The following GDF7 variants were observed in gnomAD, a reference collection of about 807,000 sequenced individuals.
GDF7 encodes the protein growth differentiation factor 7, also known as growth/differentiation factor 7.
Under a neutral mutation model 13.4 loss-of-function variants are expected in GDF7, and 12 were observed. The ratio of observed to expected loss-of-function variants is 0.90; its 90% confidence interval spans 0.57 to 1.45. The LOEUF (loss-of-function observed/expected upper bound fraction) is 1.45, where lower values mean the gene tolerates loss of function less well. GDF7 is among the 40% of genes most tolerant of loss of function. The pLI, the probability that GDF7 is intolerant of heterozygous loss-of-function variation, is 0.00. For synonymous variants in GDF7, 330 were observed against 306.4 expected, an observed-to-expected ratio of 1.08 and a Z score of -0.80; for missense variants, 651 against 652.4, an observed-to-expected ratio of 1.00 and a Z score of 0.02.
chr2:20,667,546 G>T lies in GDF7; in HGVS notation c.307G>T (p.Ala103Ser). ...MSLYRSLAGR[A>S]PAGAAAVSAS... is the part of the protein sequence containing the mutation. ...GCTTTACCGGAGCCTGGCCGGGAGG[G>T]CTCCGGCCGGGGCAGCCGCTGTCTC... Residue 103 changes from alanine to serine, a missense_variant, in exon 1 of 2, where the codon GCT becomes TCT. Transcript: ENST00000272224. The surrounding 1 kb of genome is among the most constrained non-coding windows in gnomAD (Gnocchi z 6.4). 3 of 1,469,276 alleles carry T rather than the reference G, an allele frequency of 2.0e-6. No homozygotes were observed. Among genetic ancestry groups the T allele is most frequent in the Non-Finnish European group, 2.7e-6 (3 of 1,116,584 alleles). The allele number at this position is 1,469,276 out of a possible 1,614,324, so 91.0% of individuals were successfully genotyped here.
Position 20,678,615 on chromosome 2 carries a change from G to A in GDF7, c.*7190G>A, listed in dbSNP as rs892668680. ...AGCAGAATTCTGCACATGACGAGTG[G>A]CTGCAGCTTAGAAAGCAAATTTCAT... On this transcript the variant is annotated 3_prime_UTR_variant, in exon 2 of 2. Transcript: ENST00000272224. 1 of 152,226 alleles carries A rather than the reference G, an allele frequency of 6.6e-6. No homozygotes were observed. Among genetic ancestry groups the A allele is most frequent in the African/African-American group, 2.4e-5 (1 of 41,460 alleles). The allele number at this position is 152,226 out of a possible 1,614,324, so 9.4% of individuals were successfully genotyped here.
At position 20,678,864 on chromosome 2, in the gene GDF7, C is replaced by T. The variant is rs1243831986; in HGVS notation, c.*7439C>T. Reference sequence around the variant, plus strand: ...GGGGACATTAGAAACTCATTTAAGGCAAACTGAAATCTCCTTCATCAGCAG... The same window carrying T: ...GGGGACATTAGAAACTCATTTAAGGTAAACTGAAATCTCCTTCATCAGCAG... On this transcript the variant is annotated 3_prime_UTR_variant, in exon 2 of 2. Transcript: ENST00000272224. The T allele has an allele frequency of 6.6e-6, 1 of 152,172 alleles. No homozygotes were observed. The highest frequency in any genetic ancestry group is 2.4e-5 in the African/African-American group (1 of 41,426). 9.4% of individuals were successfully genotyped at this position (152,172 alleles called of 1,614,324 possible).
intron 1 of GDF7, among the ~76,000 whole-genome samples, chr2:20,668,783 C>A (rs1457085622): frequency 6.6e-6 from 1 of 152,190 alleles, no homozygotes; most frequent in Non-Finnish European, 1.5e-5. Flanking sequence ...ATCTTGGTAC[C>A]CAATCCCCAA....
rs184609344 is a variant in GDF7, at chr2:20,671,700, C to A, written c.*275C>A. 175 of 452,118 alleles carry A rather than the reference C, an allele frequency of 3.9e-4. No individual in the cohort carries two copies. The highest frequency in any genetic ancestry group is 2.6e-3 in the African/African-American group (132 of 50,508). 28.0% of individuals were successfully genotyped at this position (452,118 alleles called of 1,614,324 possible). On this transcript the variant is annotated 3_prime_UTR_variant, in exon 2 of 2. Coordinates refer to ENST00000272224, the MANE Select transcript of GDF7 (RefSeq NM_182828.4). ...AACAGATAACCATGGCGCCCACTGC[C>A]CCCATTTAGGGAGAGGAAGGTGTTT... is the stretch of plus-strand genomic sequence containing the variant.
chr2:20,667,562 C>G lies in GDF7; in HGVS notation c.323C>G (p.Ala108Gly). The change falls in exon 1 of 2, where the codon GCC becomes GGC. Residue 108 changes from alanine (A) to glycine (G), a missense_variant. Transcript: ENST00000272224. The surrounding 1 kb of genome is among the most constrained non-coding windows in gnomAD (Gnocchi z 6.4). The stretch of plus-strand genomic sequence containing the variant: ...GCCGGGAGGGCTCCGGCCGGGGCAG[C>G]CGCTGTCTCCGCCTCGGGCCATGGT... ...SLAGRAPAGA[A>G]AVSASGHGRA... 1 of 1,497,780 alleles carries G rather than the reference C, an allele frequency of 6.7e-7. No individual in the cohort carries two copies. Among genetic ancestry groups the G allele is most frequent in the Non-Finnish European group, 8.8e-7 (1 of 1,130,606 alleles). 92.8% of individuals were successfully genotyped at this position (1,497,780 alleles called of 1,614,324 possible). A position where few individuals can be genotyped will look rare whatever the true frequency, so the allele number is the denominator to read the frequency against.
In GDF7 at chr2:20,667,955, C is replaced by T. The variant is rs978964287; in HGVS notation, c.391+325C>T. 3.3e-5 allele frequency among the ~76,000 whole-genome samples: 5 copies of T among 152,166 alleles called. No homozygotes were observed. The highest frequency in any genetic ancestry group is 1.2e-4 in the African/African-American group (5 of 41,444). ...TTCTTGGGGAATGGTCTGGAGTGGC[C>T]TCGGAGCCCTCAGAGAAGAAAGGAG... On this transcript the variant is annotated intron_variant, in intron 1 of 1. Transcript: ENST00000272224. The surrounding 1 kb of genome is among the most constrained non-coding windows in gnomAD (Gnocchi z 6.4).
chr2:20,670,934 G>T lies in GDF7; in HGVS notation c.862G>T (p.Ala288Ser). The change falls in exon 2 of 2, where the codon GCC (alanine) becomes TCC (serine). Residue 288 changes from alanine to serine, a missense_variant. By Grantham distance (99) the Ala-to-Ser change is moderately conservative (BLOSUM62 1). Transcript: ENST00000272224. ...CTTATTCCGGGAGATCCGCGCCCAG[G>T]CCCGCGCGCTCGGGGCCGCTCTGGC... is the stretch of plus-strand genomic sequence containing the variant. Reference protein sequence around the residue: ...ESLFREIRAQARALGAALASE... With the variant: ...ESLFREIRAQSRALGAALASE... 6.4e-7 allele frequency: 1 copy of T among 1,571,320 alleles called. No individual in the cohort carries two copies. Among genetic ancestry groups the T allele is most frequent in the Non-Finnish European group, 8.6e-7 (1 of 1,167,494 alleles).
chr2:20,673,609 C>G lies in GDF7; in HGVS notation c.*2184C>G, dbSNP rs1400691955. 2 of 152,172 alleles carry G rather than the reference C, an allele frequency of 1.3e-5. No individual in the cohort carries two copies. Among genetic ancestry groups the G allele is most frequent in the Non-Finnish European group, 2.9e-5 (2 of 68,032 alleles). The allele number at this position is 152,172 out of a possible 1,614,324, so 9.4% of individuals were successfully genotyped here. A position where few individuals can be genotyped will look rare whatever the true frequency, so the allele number is the denominator to read the frequency against. ...GGTATTTAATATCTTTGGATAAAAG[C>G]AAACATTTTGATACTTTTTTAGTGA... On this transcript the variant is annotated 3_prime_UTR_variant, in exon 2 of 2. Coordinates refer to ENST00000272224, the MANE Select transcript of GDF7 (RefSeq NM_182828.4).
At chr2:20,668,436 G>C (rs564775671) in intron 1 of GDF7, among the ~76,000 whole-genome samples, 87 of 152,360 alleles carry the variant, frequency 5.7e-4, no homozygotes, top group South Asian at 3.5e-3. Context: ...TGTGGCTGCT[G>C]TATGTCATCT....
At chr2:20,669,985 C>G (rs535755101) in intron 1 of GDF7, among the ~76,000 whole-genome samples, 1 of 152,340 alleles carries the variant, frequency 6.6e-6, no homozygotes, top group Admixed American at 6.5e-5. Context: ...ACTTTCGGCT[C>G]TCTTGGGGGA....
Position 20,671,072 on chromosome 2 carries a change from G to C in GDF7, c.1000G>C (p.Gly334Arg). The change falls in exon 2 of 2, where the codon GGC (glycine) becomes CGC (arginine). Residue 334 changes from glycine (G) to arginine (R), a missense_variant. Physicochemically the swap from Gly to Arg is moderately radical, Grantham distance 125. Transcript: ENST00000272224. ...LAGTRTAQGSGGGAGRGHGRR... is the reference protein window; with the variant it reads ...LAGTRTAQGSRGGAGRGHGRR... ...CGGGACGCGGACAGCGCAGGGCAGCGGCGGGGGCGCGGGCCGGGGCCACGG... is the reference window on the plus strand; with the variant it reads ...CGGGACGCGGACAGCGCAGGGCAGCCGCGGGGGCGCGGGCCGGGGCCACGG... The C allele has an allele frequency of 2.7e-6, 4 of 1,496,854 alleles. No individual in the cohort carries two copies. The highest frequency in any genetic ancestry group is 3.6e-6 in the Non-Finnish European group (4 of 1,125,298). The allele number at this position is 1,496,854 out of a possible 1,614,324, so 92.7% of individuals were successfully genotyped here.
chr2:20,671,162 G>A lies in GDF7; in HGVS notation c.1090G>A (p.Asp364Asn). The change falls in exon 2 of 2, where the codon GAC becomes AAC. Residue 364 changes from aspartate to asparagine, a missense_variant. By Grantham distance (23) the Asp-to-Asn change is conservative. This residue lies in a region of GDF7 where 101 missense variants were observed against 139.2 expected (regional missense o/e 0.73). Transcript: ENST00000272224. ...LHVDFKELGW[D>N]DWIIAPLDYE... ...CGTGGACTTCAAGGAGCTCGGCTGGGACGACTGGATCATCGCGCCGCTGGA... is the reference window on the plus strand; with the variant it reads ...CGTGGACTTCAAGGAGCTCGGCTGGAACGACTGGATCATCGCGCCGCTGGA... 6.2e-7 allele frequency: 1 copy of A among 1,613,494 alleles called. No homozygotes were observed. Among genetic ancestry groups the A allele is most frequent in the Non-Finnish European group, 8.5e-7 (1 of 1,179,886 alleles).
In GDF7 at chr2:20,670,692, G is replaced by C; in HGVS notation, c.620G>C (p.Arg207Pro). 6.7e-7 allele frequency: 1 copy of C among 1,489,660 alleles called. No individual in the cohort carries two copies. Among genetic ancestry groups the C allele is most frequent in the Middle Eastern group, 1.8e-4 (1 of 5,590 alleles). The allele number at this position is 1,489,660 out of a possible 1,614,324, so 92.3% of individuals were successfully genotyped here. A position where few individuals can be genotyped will look rare whatever the true frequency, so the allele number is the denominator to read the frequency against. The change falls in exon 2 of 2, where the codon CGC becomes CCC. Residue 207 changes from arginine (R) to proline (P), a missense_variant. Arg to Pro is a moderately radical substitution (Grantham distance 103). This residue lies in a region of GDF7 where 487 missense variants were observed against 445.9 expected (regional missense o/e 1.09). Coordinates refer to ENST00000272224, the MANE Select transcript of GDF7 (RefSeq NM_182828.4). ...GCAGCTGAGCCCCTAGTCGGTCAGCGCTGGGAGGCGTTCGACGTGGCGGAC... is the reference window on the plus strand; with the variant it reads ...GCAGCTGAGCCCCTAGTCGGTCAGCCCTGGGAGGCGTTCGACGTGGCGGAC... ...SRAAEPLVGQ[R>P]WEAFDVADAM...
At chr2:20,668,127 G>C (rs1441053916) in intron 1 of GDF7, among the ~76,000 whole-genome samples, 1 of 152,256 alleles carries the variant, frequency 6.6e-6, no homozygotes, top group Non-Finnish European at 1.5e-5. Context: ...TAGGGCAGAG[G>C]CAGGTATCAG....
At position 20,671,045 on chromosome 2, in the gene GDF7, G is replaced by T. The variant is rs774772874; in HGVS notation, c.973G>T (p.Ala325Ser). 19 of 1,512,320 alleles carry T rather than the reference G, an allele frequency of 1.3e-5. No individual in the cohort carries two copies. Among genetic ancestry groups the T allele is most frequent in the Non-Finnish European group, 1.6e-5 (18 of 1,131,594 alleles). 93.7% of individuals were successfully genotyped at this position (1,512,320 alleles called of 1,614,324 possible). ...CCGCAGACGGAGGAGGACGGCGTTGGCCGGGACGCGGACAGCGCAGGGCAG... is the reference window on the plus strand; with the variant it reads ...CCGCAGACGGAGGAGGACGGCGTTGTCCGGGACGCGGACAGCGCAGGGCAG... ...GGRRRRRTAL[A>S]GTRTAQGSGG... is the part of the protein sequence containing the mutation. The change falls in exon 2 of 2, where the codon GCC becomes TCC. Residue 325 changes from alanine (A) to serine (S), a missense_variant. Ala to Ser is a moderately conservative substitution (Grantham distance 99, BLOSUM62 1). Around this residue, in one of 4 missense-constraint regions of GDF7, gnomAD observed 487 missense variants for 445.9 expected, o/e 1.09. Coordinates refer to ENST00000272224, the MANE Select transcript of GDF7 (RefSeq NM_182828.4).
chr2:20,669,471 A>G (rs1662070866), intron 1 of GDF7, among the ~76,000 whole-genome samples: 1 of 152,062 alleles, frequency 6.6e-6, no homozygotes, highest in Admixed American at 6.6e-5. Flanking sequence ...AAGAGTGTCC[A>G]CACTGGAAAT....
intron 1 of GDF7, 111 bp from the exon 2 acceptor site, chr2:20,670,353 T>G (rs975217416): frequency 1.7e-6 from 2 of 1,196,546 alleles, no homozygotes; most frequent in Non-Finnish European, 2.2e-6. Flanking sequence ...CAGGCCTGGC[T>G]CCCACATCGA....
chr2:20,669,980 C>T (rs1009418240), intron 1 of GDF7, among the ~76,000 whole-genome samples: 1 of 152,322 alleles, frequency 6.6e-6, no homozygotes, highest in African/African-American at 2.4e-5. Flanking sequence ...CCAGGACTTT[C>T]GGCTCTCTTG....
Position 20,670,669 on chromosome 2 carries a change from A to G in GDF7, c.597A>G (p.Ala199=). 1.3e-6 allele frequency: 2 copies of G among 1,527,006 alleles called. No homozygotes were observed. The highest frequency in any genetic ancestry group is 1.8e-6 in the Non-Finnish European group (2 of 1,141,344). 94.6% of individuals were successfully genotyped at this position (1,527,006 alleles called of 1,614,324 possible). The change falls in exon 2 of 2, where the codon GCA becomes GCG. Residue 199 remains alanine, a synonymous_variant. Transcript: ENST00000272224. ...ARAPRLLYSR[A]AEPLVGQRWE... is the part of the protein sequence containing the mutation. The stretch of plus-strand genomic sequence containing the variant: ...CGCCACGCCTGCTGTACTCGCGGGC[A>G]GCTGAGCCCCTAGTCGGTCAGCGCT...
Sources: allele counts gnomAD v4.1 joint callset (sites outside exome capture counted in the v4.1 genomes callset), GRCh38; gene constraint gnomAD v4.1.1; regional missense constraint gnomAD v4.1.1; non-coding constraint Gnocchi (gnomAD v3.1); transcripts MANE v1.5; gene names NCBI Gene and HGNC (gene_info 2026-07-23, HGNC 2026-07-21).